Variants in LRP1 observed in about 807,000 individuals in gnomAD.
LRP1 encodes the protein prolow-density lipoprotein receptor-related protein 1.
In LRP1, 51 loss-of-function variants were observed where a neutral mutation model predicts 541.5. The observed-to-expected ratio is 0.09, with a 90% CI of 0.08 to 0.12. The LOEUF is 0.12. LRP1 is among the 10% of genes least tolerant of loss of function. The pLI, the probability that LRP1 is intolerant of heterozygous loss-of-function variation, is 1.00. For synonymous variants in LRP1, 2,219 were observed against 2,470.8 expected (o/e 0.90, Z 3.02); for missense variants, 3,878 against 6,376.2 (o/e 0.61, Z 13.34).
chr12:57,159,555 G>A (rs1393793498), intron 11 of LRP1, among the ~76,000 whole-genome samples: 2 of 152,212 alleles, frequency 1.3e-5, no homozygotes, highest in Non-Finnish European at 2.9e-5. Context: ...GCCCTCACAC[G>A]AGAGCCCACA....
rs1192009094 is a variant in LRP1 at position 57,201,589 on chromosome 12, G to A, written c.10438G>A (p.Val3480Met). ...GGTCTGCGACCGGGACAATGACTGTGTGGATGGCAGTGATGAGCCCGCCAA... is the reference window on the plus strand; with the variant it reads ...GGTCTGCGACCGGGACAATGACTGTATGGATGGCAGTGATGAGCCCGCCAA... ...VWVCDRDNDC[V>M]DGSDEPANCT... The change falls in exon 66 of 89, where the codon GTG becomes ATG. Residue 3480 changes from valine (V) to methionine (M), a missense_variant. Transcript: ENST00000243077. This position sits in a 1 kb window ranked among gnomAD's most constrained non-coding sequence, Gnocchi z 6.4. The A allele has an allele frequency of 1.9e-6, 3 of 1,613,908 alleles. No homozygotes were observed. The highest frequency in any genetic ancestry group is 3.3e-5 in the Admixed American group (2 of 60,012).
Position 57,211,308 on chromosome 12 carries a change from G to A in LRP1, c.13049G>A (p.Gly4350Glu), listed in dbSNP as rs1194165768. ...EVNKCSRCLEGACVVNKQSGD... is the reference protein window; with the variant it reads ...EVNKCSRCLEEACVVNKQSGD... The stretch of plus-strand genomic sequence containing the variant: ...AACAAGTGCAGCCGCTGTCTCGAAG[G>A]GGCCTGTGTGGTCAACAAGCAGAGT... Residue 4350 changes from glycine to glutamate, a missense_variant, in exon 84 of 89, where the codon GGG (glycine) becomes GAG (glutamate). Around this residue, in one of 13 missense-constraint regions of LRP1, gnomAD observed 871 missense variants for 1,212.4 expected, o/e 0.72. Coordinates refer to ENST00000243077, the MANE Select transcript of LRP1 (RefSeq NM_002332.3). This position sits in a 1 kb window ranked among gnomAD's most constrained non-coding sequence, Gnocchi z 4.3. 6.2e-7 allele frequency: 1 copy of A among 1,614,188 alleles called. No homozygotes were observed. The highest frequency in any genetic ancestry group is 8.5e-7 in the Non-Finnish European group (1 of 1,180,032).
chr12:57,174,558 T>G (rs1565733181), intron 22 of LRP1, among the ~76,000 whole-genome samples: 2 of 152,146 alleles, frequency 1.3e-5, no homozygotes, highest in Non-Finnish European at 2.9e-5. Context: ...GCAGATCACT[T>G]GAGCTCAGGA....
intron 20 of LRP1, 67 bp downstream of exon 20, chr12:57,169,374 C>T: frequency 2.1e-6 from 3 of 1,454,372 alleles, no homozygotes; most frequent in Non-Finnish European, 2.8e-6. Flanking sequence ...CCAGCCTATC[C>T]ATCTGTCTTT....
intron 64 of LRP1, 54 bp downstream of exon 64, chr12:57,200,869 G>C: frequency 8.9e-7 from 1 of 1,119,924 alleles, no homozygotes; most frequent in South Asian, 1.2e-5. Flanking sequence ...CCCTGCCCCA[G>C]GATTTGGGGC....
chr12:57,200,098 C>G lies in LRP1; in HGVS notation c.10014+73C>G, dbSNP rs2136738711. The G allele has an allele frequency of 2.2e-6, 3 of 1,333,396 alleles. No homozygotes were observed. The South Asian group carries it at 4.0e-5, about 18-fold the overall frequency. 82.6% of individuals were successfully genotyped at this position (1,333,396 alleles called of 1,614,324 possible). Reference sequence around the variant, plus strand: ...CCAAATCCTCCTTGGACCCCAACACCTGCTCTGTCCTAATGTCCTCATGCA... The same window carrying G: ...CCAAATCCTCCTTGGACCCCAACACGTGCTCTGTCCTAATGTCCTCATGCA... On this transcript the variant is annotated intron_variant, in intron 62 of 88. Coordinates refer to ENST00000243077, the MANE Select transcript of LRP1 (RefSeq NM_002332.3).
At chr12:57,191,620 C>T (rs921768321) in intron 44 of LRP1, 108 bp downstream of exon 44, 45 of 929,798 alleles carry the variant, frequency 4.8e-5, no homozygotes, top group Admixed American at 2.9e-4. Flanking sequence ...CCTACACATA[C>T]CACACACACA....
rs2036722320 is a variant in LRP1, at chr12:57,204,316, G to C, written c.10952-94G>C. 2 of 1,374,828 alleles carry C rather than the reference G, an allele frequency of 1.5e-6. No individual in the cohort carries two copies. The highest frequency in any genetic ancestry group is 1.9e-6 in the Non-Finnish European group (2 of 1,039,098). The allele number at this position is 1,374,828 out of a possible 1,614,324, so 85.2% of individuals were successfully genotyped here. On this transcript the variant is annotated intron_variant, in intron 70 of 88. Transcript: ENST00000243077. The surrounding 1 kb of genome is among the most constrained non-coding windows in gnomAD (Gnocchi z 5.3). ...AATTTGGCTGTGCCACTGCTTGCCT[G>C]GTGACCCCTCTGAGCCTGGAACCCC...
rs374597290 is a variant in LRP1, at chr12:57,197,021, C to G, written c.8932C>G (p.Arg2978Gly). The stretch of plus-strand genomic sequence containing the variant: ...TGGCTTCCGGCTGAAGGACGACGGC[C>G]GGACGTGTGCTGATGTGGACGAGTG... ...RPGFRLKDDGRTCADVDECST... is the reference protein window; with the variant it reads ...RPGFRLKDDGGTCADVDECST... Residue 2978 changes from arginine to glycine, a missense_variant, in exon 56 of 89, where the codon CGG (arginine) becomes GGG (glycine). Coordinates refer to ENST00000243077, the MANE Select transcript of LRP1 (RefSeq NM_002332.3). This position sits in a 1 kb window ranked among gnomAD's most constrained non-coding sequence, Gnocchi z 4.5. The G allele has an allele frequency of 1.2e-6, 2 of 1,613,610 alleles. No individual in the cohort carries two copies. The highest frequency in any genetic ancestry group is 1.1e-5 in the South Asian group (1 of 91,076).
intron 77 of LRP1, 53 bp downstream of exon 77, chr12:57,208,269 G>A: frequency 3.8e-6 from 6 of 1,566,170 alleles, no homozygotes; most frequent in African/African-American, 1.4e-5. Flanking sequence ...GAAGCCCCCG[G>A]GACAGGGTTG....
At chr12:57,176,417 T>A (rs1347895454) in intron 24 of LRP1, among the ~76,000 whole-genome samples, 2 of 152,248 alleles carry the variant, frequency 1.3e-5, no homozygotes, top group Non-Finnish European at 2.9e-5. Context: ...ACCTGAACGC[T>A]GCTTTCTGTC....
At chr12:57,194,187 G>A (rs546913639) in intron 48 of LRP1, among the ~76,000 whole-genome samples, 167 bp from the exon 49 acceptor site, 5 of 152,202 alleles carry the variant, frequency 3.3e-5, no homozygotes, top group African/African-American at 4.8e-5. Flanking sequence ...CTGGGCTCTC[G>A]TGGGGTTCCG....
chr12:57,205,008 C>T lies in LRP1; in HGVS notation c.11195-101C>T. On this transcript the variant is annotated intron_variant, in intron 72 of 88. Transcript: ENST00000243077. The surrounding 1 kb of genome is among the most constrained non-coding windows in gnomAD (Gnocchi z 4.6). ...TGTTTGACCTGCTCCCCCTGCAAGC[C>T]TTGTCACTTAGGAATTGGGAGCCAC... The T allele has an allele frequency of 1.3e-6, 2 of 1,501,744 alleles. No individual in the cohort carries two copies. The highest frequency in any genetic ancestry group is 1.8e-6 in the Non-Finnish European group (2 of 1,114,020). The allele number at this position is 1,501,744 out of a possible 1,614,324, so 93.0% of individuals were successfully genotyped here. A position where few individuals can be genotyped will look rare whatever the true frequency, so the allele number is the denominator to read the frequency against.
At chr12:57,191,720 ACACCCCC>A (rs1487933398) in intron 44 of LRP1, among the ~76,000 whole-genome samples, 1 of 28,150 alleles carries the variant, frequency 3.6e-5, no homozygotes, top group Non-Finnish European at 8.1e-5. Flanking sequence ...CACACCATAC[ACACCCCC>A]CACACACCAC....
rs771443639 is a variant in LRP1 at position 57,145,337 on chromosome 12, A to G, written c.688A>G (p.Thr230Ala). 2 of 1,614,132 alleles carry G rather than the reference A, an allele frequency of 1.2e-6. No homozygotes were observed. The highest frequency in any genetic ancestry group is 1.7e-6 in the Non-Finnish European group (2 of 1,180,026). The change falls in exon 6 of 89, where the codon ACC (threonine) becomes GCC (alanine). Residue 230 changes from threonine (T) to alanine (A), a missense_variant. Around this residue, in one of 13 missense-constraint regions of LRP1, gnomAD observed 293 missense variants for 403.7 expected, o/e 0.73. Transcript: ENST00000243077. ...STITPTSTRQ[T>A]TAMDFSYANE... Reference sequence around the variant, plus strand: ...CATCACACCTACGAGCACGCGGCAGACCACAGCCATGGACTTCAGCTATGC... The same window carrying G: ...CATCACACCTACGAGCACGCGGCAGGCCACAGCCATGGACTTCAGCTATGC...
intron 20 of LRP1, among the ~76,000 whole-genome samples, chr12:57,171,829 C>A (rs1273882311): frequency 6.6e-6 from 1 of 152,078 alleles, no homozygotes. Flanking sequence ...TGCTCCTGCT[C>A]CTCTCCTGGC....
intron 55 of LRP1, among the ~76,000 whole-genome samples, chr12:57,196,534 AG>A (rs903078234): frequency 3.9e-5 from 6 of 152,156 alleles, no homozygotes; most frequent in Non-Finnish European, 5.9e-5. Flanking sequence ...CTGGAGTTCA[AG>A]GAGAGGCCCA....
At position 57,178,522 on chromosome 12, in the gene LRP1, G is replaced by A. The variant is rs935272705; in HGVS notation, c.4525G>A (p.Gly1509Ser). ...ACTGGCTAAGGCCAACAAGTGGACCGGCCACAATGTCACCGTGGTACAGAG... is the reference window on the plus strand; with the variant it reads ...ACTGGCTAAGGCCAACAAGTGGACCAGCCACAATGTCACCGTGGTACAGAG... ...NTLAKANKWT[G>S]HNVTVVQRTN... Residue 1509 changes from glycine (G) to serine (S), a missense_variant, in exon 27 of 89, where the codon GGC (glycine) becomes AGC (serine). Gly to Ser is a moderately conservative substitution (Grantham distance 56). Transcript: ENST00000243077. The surrounding 1 kb of genome is among the most constrained non-coding windows in gnomAD (Gnocchi z 5.8). The A allele has an allele frequency of 6.2e-7, 1 of 1,614,222 alleles. No homozygotes were observed. The highest frequency in any genetic ancestry group is 8.5e-7 in the Non-Finnish European group (1 of 1,180,040).
Position 57,162,748 on chromosome 12 carries a change from A to G in LRP1, c.2405-110A>G, listed in dbSNP as rs1037870031. ...CTTCAACATGATCTTCTTCCTCTCC[A>G]TATTTCCTCTTTCTGTCCCCACATC... On this transcript the variant is annotated intron_variant, in intron 14 of 88. Transcript: ENST00000243077. This position sits in a 1 kb window ranked among gnomAD's most constrained non-coding sequence, Gnocchi z 5.2. The G allele has an allele frequency of 7.1e-6, 9 of 1,268,090 alleles. No individual in the cohort carries two copies. Among genetic ancestry groups the G allele is most frequent in the Non-Finnish European group, 8.7e-6 (8 of 917,860 alleles). 78.6% of individuals were successfully genotyped at this position (1,268,090 alleles called of 1,614,324 possible).
Sources: gnomAD v4.1 joint callset for allele counts (sites outside exome capture counted in the v4.1 genomes callset) on GRCh38, gnomAD v4.1.1 for gene constraint, gnomAD v4.1.1 regional missense constraint, Gnocchi (gnomAD v3.1) non-coding constraint, MANE v1.5 for transcripts, NCBI Gene and HGNC (gene_info 2026-07-23, HGNC 2026-07-21) for gene names.